Variants in AGMO observed in about 807,000 individuals in gnomAD.
AGMO encodes the protein glyceryl-ether monooxygenase.
In AGMO, 75 loss-of-function variants were observed where a neutral mutation model predicts 60.2. The ratio of observed to expected loss-of-function variants is 1.25; its 90% CI spans 1.03 to 1.51. The LOEUF (loss-of-function observed/expected upper bound fraction) is 1.51. AGMO is among the 40% of genes most tolerant of loss of function. The pLI, the probability that AGMO is intolerant of heterozygous loss-of-function variation, is 0.00. For synonymous variants in AGMO, 261 were observed against 177.1 expected (o/e 1.47, Z -3.76); for missense variants, 763 against 525.5 (o/e 1.45, Z -4.42).
At chr7:15,191,953 A>G in the AGMO span, among the ~76,000 whole-genome samples, 2 of 120,390 alleles carry the variant, frequency 1.7e-5, no homozygotes, top group African/African-American at 6.7e-5. Flanking sequence ...TCTCACTCTC[A>G]CTCTCCCTCT....
chr7:15,202,393 T>C (rs1224235227), intron 12 of AGMO, among the ~76,000 whole-genome samples: 2 of 144,814 alleles, frequency 1.4e-5, no homozygotes, highest in African/African-American at 5.2e-5. Context: ...CCTTGAACTA[T>C]GCTGATTTTG....
At position 15,529,667 on chromosome 7, in the gene AGMO, C is replaced by CTATATATAGAATATATATAG. The variant is rs1784243077; in HGVS notation, c.409+15104_409+15105insCTATATATATTCTATATATA. Among the ~76,000 whole-genome samples the CTATATATAGAATATATATAG allele has an allele frequency of 4.7e-4, 7 of 15,028 alleles. 1 individual carries two copies. Among genetic ancestry groups the CTATATATAGAATATATATAG allele is most frequent in the East Asian group, 0.02 (2 of 102 alleles). 9.9% of individuals were successfully genotyped at this position (15,028 alleles called of 152,430 possible). On this transcript the variant is annotated intron_variant, in intron 3 of 12. Transcript: ENST00000342526. ...ATATACTATATATTCTATATATATT[C>CTATATATAGAATATATATAG]TATATATATTCTATATATAGAATAT...
rs1781264934 is a variant in AGMO at position 15,201,086 on chromosome 7, G to C, written c.*199C>G. The C allele has an allele frequency of 5.0e-6, 2 of 400,364 alleles. No individual in the cohort carries two copies. Among genetic ancestry groups the C allele is most frequent in the South Asian group, 7.9e-5 (1 of 12,738 alleles). 24.8% of individuals were successfully genotyped at this position (400,364 alleles called of 1,614,324 possible). A position where few individuals can be genotyped will look rare whatever the true frequency, so the allele number is the denominator to read the frequency against. The stretch of plus-strand genomic sequence containing the variant: ...ATCTTTTTTTAATTGTAGTAAAGGG[G>C]GGAAGTAACCAAAACTGACTTTAAT... On this transcript the variant is annotated 3_prime_UTR_variant, in exon 13 of 13. Transcript: ENST00000342526.
At chr7:15,541,844 A>G (rs1036518779) in intron 3 of AGMO, among the ~76,000 whole-genome samples, 12 of 152,200 alleles carry the variant, frequency 7.9e-5, no homozygotes, top group Non-Finnish European at 1.3e-4. Flanking sequence ...GTTTCTTCAA[A>G]ACTCACAGCA....
chr7:15,273,906 T>C (rs536438911), intron 12 of AGMO, among the ~76,000 whole-genome samples: 1 of 152,332 alleles, frequency 6.6e-6, no homozygotes, highest in East Asian at 1.9e-4. Context: ...AGTTCTATCA[T>C]GATTTGGCTC....
chr7:15,353,472 G>A (rs945731307), intron 12 of AGMO, among the ~76,000 whole-genome samples: 1 of 152,034 alleles, frequency 6.6e-6, no homozygotes, highest in Non-Finnish European at 1.5e-5. Flanking sequence ...ATCTACTCTT[G>A]GGGGGAATCC....
At chr7:15,261,806 A>T (rs1370997256) in intron 12 of AGMO, among the ~76,000 whole-genome samples, 1 of 152,084 alleles carries the variant, frequency 6.6e-6, no homozygotes, top group Non-Finnish European at 1.5e-5. Context: ...ATCCACCATG[A>T]TCAAGTGGGT....
chr7:15,548,014 A>C (rs560968700), intron 2 of AGMO, among the ~76,000 whole-genome samples: 7,919 of 145,766 alleles, frequency 0.054, 257 homozygotes, highest in Middle Eastern at 0.1. Flanking sequence ...GACCCCTGAC[A>C]CCGGAGCAGC....
At chr7:15,555,332 CACACAT>C (rs1562571319) in intron 2 of AGMO, among the ~76,000 whole-genome samples, 1 of 137,976 alleles carries the variant, frequency 7.2e-6, no homozygotes, top group African/African-American at 3.1e-5. Flanking sequence ...CACACACACA[CACACAT>C]ATGTAAAGAG....
At chr7:15,407,203 A>G (rs1340517340) in intron 5 of AGMO, among the ~76,000 whole-genome samples, 1 of 140,860 alleles carries the variant, frequency 7.1e-6, no homozygotes, top group Non-Finnish European at 1.6e-5. Context: ...TTAGGTCAGA[A>G]GACTTGAAAG....
At chr7:15,293,942 T>C (rs544115108) in intron 12 of AGMO, among the ~76,000 whole-genome samples, 348 of 151,174 alleles carry the variant, frequency 2.3e-3, no homozygotes, top group Admixed American at 3.7e-3. Flanking sequence ...TTAGGTAAAG[T>C]TGAATTTAAC....
At chr7:15,272,781 T>G (rs1783656453) in intron 12 of AGMO, among the ~76,000 whole-genome samples, 1 of 152,166 alleles carries the variant, frequency 6.6e-6, no homozygotes, top group South Asian at 2.1e-4. Flanking sequence ...CCACATTCTC[T>G]CCAGCACCTG....
chr7:15,317,967 T>TAC (rs534309097), intron 12 of AGMO, among the ~76,000 whole-genome samples: 2,362 of 144,754 alleles, frequency 0.016, 74 homozygotes, highest in African/African-American at 0.058. Flanking sequence ...TATATATATA[T>TAC]ACACACACAC....
At chr7:15,130,448 T>C in the AGMO span, among the ~76,000 whole-genome samples, 1 of 152,000 alleles carries the variant, frequency 6.6e-6, no homozygotes, top group African/African-American at 2.4e-5. Context: ...CTTTCTCCAC[T>C]CCTCACTCTC....
chr7:15,520,789 A>C (rs937067976), intron 3 of AGMO, among the ~76,000 whole-genome samples: 2 of 152,196 alleles, frequency 1.3e-5, no homozygotes, highest in African/African-American at 4.8e-5. Flanking sequence ...AATTTAAAAA[A>C]CTAGAGAAGG....
intron 5 of AGMO, among the ~76,000 whole-genome samples, chr7:15,415,810 T>G (rs1780750711): frequency 6.6e-6 from 1 of 152,078 alleles, no homozygotes; most frequent in South Asian, 2.1e-4. Context: ...AAACATGTAT[T>G]AAATAAAAAG....
At chr7:15,369,339 G>T (rs1257438695) in intron 10 of AGMO, among the ~76,000 whole-genome samples, 2 of 151,976 alleles carry the variant, frequency 1.3e-5, no homozygotes, top group East Asian at 1.9e-4. Flanking sequence ...ACCCTCCAGG[G>T]GCTCACTCAG....
chr7:15,338,894 A>G (rs1202043286), intron 12 of AGMO, among the ~76,000 whole-genome samples: 1 of 152,200 alleles, frequency 6.6e-6, no homozygotes, highest in South Asian at 2.1e-4. Flanking sequence ...AAGCATTTAC[A>G]CCTTAAACAA....
Position 15,502,244 on chromosome 7 carries a change from G to A in AGMO, c.409+42528C>T, listed in dbSNP as rs527885813. Among the ~76,000 whole-genome samples the A allele has an allele frequency of 3.3e-5, 5 of 152,040 alleles. No individual in the cohort carries two copies. In the East Asian group the frequency reaches 5.8e-4, roughly 18 times the overall value. On this transcript the variant is annotated intron_variant, in intron 3 of 12. Coordinates refer to ENST00000342526, the MANE Select transcript of AGMO (RefSeq NM_001004320.2). The stretch of plus-strand genomic sequence containing the variant: ...TTCTTTTGCACTGTTTCAGACTAGA[G>A]GAGATCAACTGAGTCCAGCCTTGCC...
Sources: gnomAD v4.1 joint callset for allele counts (sites outside exome capture counted in the v4.1 genomes callset) on GRCh38, gnomAD v4.1.1 for gene constraint, MANE v1.5 for transcripts, NCBI Gene and HGNC (gene_info 2026-07-23, HGNC 2026-07-21) for gene names.